The following BANK1 variants were observed in gnomAD, a reference collection of about 807,000 sequenced individuals.
The protein encoded by BANK1 is B cell scaffold protein with ankyrin repeats 1, also known as B-cell scaffold protein with ankyrin repeats.
A neutral mutation model predicts 94.5 loss-of-function variants in BANK1; 95 were observed. The ratio of observed to expected loss-of-function variants is 1.00; its 90% CI spans 0.85 to 1.19. The LOEUF (loss-of-function observed/expected upper bound fraction) is 1.19, where lower values mean the gene tolerates loss of function less well. Ranked by LOEUF, BANK1 falls within the 50% of genes most tolerant of loss-of-function variation. The pLI is 0.00. For missense variants in BANK1, 987 were observed against 932.2 expected, an observed-to-expected ratio of 1.06 and a Z score of -0.77; for synonymous variants, 334 against 308.4, an observed-to-expected ratio of 1.08 and a Z score of -0.87.
chr4:102,055,983 T>C (rs17211702), intron 11 of BANK1, among the ~76,000 whole-genome samples: 46,216 of 151,960 alleles, frequency 0.3, 8,585 homozygotes, highest in South Asian at 0.44. Context: ...AGTGGCCATA[T>C]GTGATATTAA....
intron 2 of BANK1, among the ~76,000 whole-genome samples, chr4:101,833,947 A>G (rs1726723139): frequency 6.6e-6 from 1 of 152,092 alleles, no homozygotes; most frequent in Non-Finnish European, 1.5e-5. Flanking sequence ...TAGGAAAATT[A>G]TTTTTTTAAA....
intron 1 of BANK1, among the ~76,000 whole-genome samples, chr4:101,810,081 C>T (rs2148853972): frequency 6.6e-6 from 1 of 152,228 alleles, no homozygotes; most frequent in Non-Finnish European, 1.5e-5. Flanking sequence ...GAAATGGCAG[C>T]ATGAGAAGGA....
intron 7 of BANK1, among the ~76,000 whole-genome samples, chr4:101,965,611 C>G (rs1394549553): frequency 1.3e-5 from 2 of 152,068 alleles, no homozygotes; most frequent in African/African-American, 4.8e-5. Flanking sequence ...CACACAATGC[C>G]TATAAAGCCA....
chr4:101,885,642 C>T (rs1308227441), intron 5 of BANK1, among the ~76,000 whole-genome samples: 2 of 152,230 alleles, frequency 1.3e-5, no homozygotes, highest in Non-Finnish European at 2.9e-5. Context: ...AATTTGACAT[C>T]TATGTGTGTG....
At chr4:101,854,937 AT>A (rs1727623861) in intron 2 of BANK1, 97 bp from the exon 3 acceptor site, 2 of 877,366 alleles carry the variant, frequency 2.3e-6, no homozygotes, top group African/African-American at 1.7e-5. Flanking sequence ...GGTTTCCCGT[AT>A]ATTAAATTGG....
At chr4:101,961,977 C>T (rs965238203) in intron 7 of BANK1, among the ~76,000 whole-genome samples, 1 of 152,094 alleles carries the variant, frequency 6.6e-6, no homozygotes, top group Admixed American at 6.6e-5. Context: ...CTGTCACTGC[C>T]GTTTCATTCT....
intron 6 of BANK1, among the ~76,000 whole-genome samples, chr4:101,899,542 C>G (rs1190270932): frequency 1.3e-5 from 2 of 151,938 alleles, no homozygotes; most frequent in African/African-American, 4.8e-5. Flanking sequence ...TTTTTTTTAC[C>G]TGCGTAACCA....
chr4:101,853,263 T>G lies in BANK1; in HGVS notation c.470-1772T>G, dbSNP rs188645412. ...AAAACTTTTCTTCTCAGAAACAGCGTGGAGACAGCTCCTCCCTCTCAAGGG... is the reference window on the plus strand; with the variant it reads ...AAAACTTTTCTTCTCAGAAACAGCGGGGAGACAGCTCCTCCCTCTCAAGGG... On this transcript the variant is annotated intron_variant, in intron 2 of 16. Transcript: ENST00000322953. Among the ~76,000 whole-genome samples, 145 of 152,290 alleles carry G rather than the reference T, an allele frequency of 9.5e-4. 1 individual carries two copies. The highest frequency in any genetic ancestry group is 8.9e-3 in the Admixed American group (136 of 15,294).
rs548064403 is a variant in BANK1, at chr4:102,017,777, TATA to T, written c.1207-3732_1207-3730del. ...ATATCTTTTCATAACTTTAGTTTTCTATAATAAGATCCTGTCTGAAAAATAGTG... is the reference window on the plus strand; with the variant it reads ...ATATCTTTTCATAACTTTAGTTTTCTATAAGATCCTGTCTGAAAAATAGTG... On this transcript the variant is annotated intron_variant, in intron 7 of 16. Transcript: ENST00000322953. 8.5e-3 allele frequency among the ~76,000 whole-genome samples: 1,293 copies of T among 152,368 alleles called. 10 individuals are homozygous for T. The highest frequency in any genetic ancestry group is 0.037 in the Middle Eastern group (11 of 294).
At chr4:101,868,741 G>A (rs986745958) in intron 4 of BANK1, among the ~76,000 whole-genome samples, 8 of 151,822 alleles carry the variant, frequency 5.3e-5, no homozygotes, top group Non-Finnish European at 8.8e-5. Flanking sequence ...TAAATAATGT[G>A]GAAGCAGAAC....
chr4:101,836,277 C>T (rs1488996744), intron 2 of BANK1, among the ~76,000 whole-genome samples: 1 of 152,008 alleles, frequency 6.6e-6, no homozygotes, highest in Non-Finnish European at 1.5e-5. Flanking sequence ...GGTCAGGAGT[C>T]GAGACCAGGC....
chr4:101,884,389 T>C (rs978135070), intron 5 of BANK1, among the ~76,000 whole-genome samples: 15 of 152,184 alleles, frequency 9.9e-5, no homozygotes, highest in African/African-American at 3.4e-4. Flanking sequence ...ATGAGCCATC[T>C]TTTCCTGGTT....
intron 7 of BANK1, among the ~76,000 whole-genome samples, chr4:101,970,887 T>C (rs1724929742): frequency 1.3e-5 from 2 of 152,092 alleles, no homozygotes; most frequent in African/African-American, 2.4e-5. Flanking sequence ...TATGATCATT[T>C]AAAAATTTTC....
At chr4:101,842,197 TC>T (rs1422403767) in intron 2 of BANK1, among the ~76,000 whole-genome samples, 1 of 152,178 alleles carries the variant, frequency 6.6e-6, no homozygotes, top group East Asian at 1.9e-4. Flanking sequence ...TGGGGAAGAA[TC>T]TGGTAGAACC....
At chr4:101,929,383 T>G (rs1723270670) in intron 7 of BANK1, among the ~76,000 whole-genome samples, 1 of 151,624 alleles carries the variant, frequency 6.6e-6, no homozygotes, top group Non-Finnish European at 1.5e-5. Context: ...TTTTTAATAT[T>G]ATCATCACCA....
chr4:101,973,207 T>A (rs1725012757), intron 7 of BANK1, among the ~76,000 whole-genome samples: 1 of 152,070 alleles, frequency 6.6e-6, no homozygotes, highest in Admixed American at 6.6e-5. Flanking sequence ...CTAGTTTAAT[T>A]TAATTATTCC....
intron 1 of BANK1, among the ~76,000 whole-genome samples, chr4:101,826,954 A>T (rs943925590): frequency 2.0e-5 from 3 of 151,976 alleles, no homozygotes; most frequent in African/African-American, 7.2e-5. Flanking sequence ...CAGAATCATT[A>T]TGGTTTTCTT....
Position 101,829,965 on chromosome 4 carries a change from G to C in BANK1, c.228G>C (p.Thr76=), listed in dbSNP as rs79880125. 8 of 1,613,702 alleles carry C rather than the reference G, an allele frequency of 5.0e-6. No individual in the cohort carries two copies. Among genetic ancestry groups the C allele is most frequent in the African/African-American group, 2.7e-5 (2 of 74,892 alleles). ...SFRHLELLNL[T]SYKCKLLILS... ...GGCATTTGGAGTTGCTGAACTTAAC[G>C]TCTTACAAATGTAAACTTTTGATAT... The change falls in exon 2 of 17, where the codon ACG becomes ACC. Residue 76 remains threonine, a synonymous_variant. Coordinates refer to ENST00000322953, the MANE Select transcript of BANK1 (RefSeq NM_017935.5).
In BANK1 at chr4:101,918,068, T is replaced by A. The variant is rs767134135; in HGVS notation, c.1085T>A (p.Leu362Ter). 1.2e-5 allele frequency: 19 copies of A among 1,611,808 alleles called. No individual in the cohort carries two copies. In the South Asian group the frequency reaches 2.1e-4, roughly 18 times the overall value. ...KFGLKNLAIHLLQCSGATWAS... is the reference protein window; with the variant it reads ...KFGLKNLAIH ...GGCTTAAAGAACCTGGCTATTCATTTGCTTCAATGTTCAGGAGCAACCTGG... is the reference window on the plus strand; with the variant it reads ...GGCTTAAAGAACCTGGCTATTCATTAGCTTCAATGTTCAGGAGCAACCTGG... Residue 362 changes from leucine (L) to a stop codon, truncating the protein, a stop_gained, in exon 7 of 17, where the codon TTG becomes TAG. Coordinates refer to ENST00000322953, the MANE Select transcript of BANK1 (RefSeq NM_017935.5). LOFTEE classifies it high-confidence loss of function.
Sources: allele counts gnomAD v4.1 joint callset (sites outside exome capture counted in the v4.1 genomes callset), GRCh38; gene constraint gnomAD v4.1.1; transcripts MANE v1.5; gene names NCBI Gene and HGNC (gene_info 2026-07-23, HGNC 2026-07-21).